Variants in CUL9 observed in about 807,000 individuals in gnomAD.
CUL9 encodes cullin-9.
CUL9 carries 79 observed loss-of-function variants against 272.6 expected under a neutral mutation model. The observed-to-expected ratio is 0.29, with a 90% CI of 0.24 to 0.35. CUL9 has a LOEUF of 0.35. CUL9 is among the 10% of genes least tolerant of loss of function. The probability of loss-of-function intolerance (pLI) is 1.00; values close to 1 mark genes in which losing one functional copy is unlikely to be tolerated. For synonymous variants in CUL9, 1,186 were observed against 1,286.5 expected, an observed-to-expected ratio of 0.92 and a Z score of 1.67; for missense variants, 2,532 against 3,255.6, an observed-to-expected ratio of 0.78 and a Z score of 5.41.
chr6:43,213,726 T>C lies in CUL9; in HGVS notation c.5502T>C (p.Leu1834=). The part of the protein sequence containing the change: ...QDFPHGGVLR[L]HEPGPQRSGE... ...AGCGGGTTCCAGGTGTGCTGCGGCT[T>C]CATGAGCCTGGGCCCCAGCGCAGTG... Residue 1834 remains leucine (L), a synonymous_variant, in exon 29 of 41, where the codon CTT becomes CTC. Transcript: ENST00000252050. The surrounding 1 kb of genome is among the most constrained non-coding windows in gnomAD (Gnocchi z 5.7). 1.2e-5 allele frequency: 20 copies of C among 1,613,226 alleles called. No homozygotes were observed. The highest frequency in any genetic ancestry group is 1.7e-5 in the Non-Finnish European group (20 of 1,179,826).
rs200063078 is a variant in CUL9 at position 43,222,404 on chromosome 6, A to C, written c.6921+14A>C. ...CACCAGGCGCGGGTGAGTCGGGAGGAAACAGCGGGTAGATGCCTGCAGAAG... is the reference window on the plus strand; with the variant it reads ...CACCAGGCGCGGGTGAGTCGGGAGGCAACAGCGGGTAGATGCCTGCAGAAG... On this transcript the variant is annotated intron_variant, in intron 36 of 40. Coordinates refer to ENST00000252050, the MANE Select transcript of CUL9 (RefSeq NM_015089.4). 6 of 1,613,366 alleles carry C rather than the reference A, an allele frequency of 3.7e-6. No individual in the cohort carries two copies. The African/African-American group carries it at 8.0e-5, about 22-fold the overall frequency.
Position 43,218,599 on chromosome 6 carries a change from G to T in CUL9, c.6283-1860G>T, listed in dbSNP as rs1468773920. 6.6e-6 allele frequency among the ~76,000 whole-genome samples: 1 copy of T among 152,212 alleles called. No homozygotes were observed. Among genetic ancestry groups the T allele is most frequent in the Non-Finnish European group, 1.5e-5 (1 of 68,040 alleles). ...AGAGTGGAAGCAGGAAGGCCCATTT[G>T]GTGACTGTTGTACGAGAGACAAGAG... On this transcript the variant is annotated intron_variant, in intron 31 of 40. Transcript: ENST00000252050. The surrounding 1 kb of genome is among the most constrained non-coding windows in gnomAD (Gnocchi z 4.4).
chr6:43,187,499 G>A, intron 6 of CUL9, 60 bp downstream of exon 6: 1 of 1,552,664 alleles, frequency 6.4e-7, no homozygotes, highest in Non-Finnish European at 8.8e-7. Context: ...GGATTCTCTA[G>A]AGGGAGTTTC....
In CUL9 at chr6:43,185,962, G is replaced by A. The variant is rs1772874334; in HGVS notation, c.758G>A (p.Gly253Glu). 1.2e-6 allele frequency: 2 copies of A among 1,604,834 alleles called. No individual in the cohort carries two copies. The highest frequency in any genetic ancestry group is 1.7e-6 in the Non-Finnish European group (2 of 1,174,232). Reference sequence around the variant, plus strand: ...AAGGATTGTGTCTTACAGATCCCAGGAAAGCTGCTTTTCTCCTTGGTGAAG... The same window carrying A: ...AAGGATTGTGTCTTACAGATCCCAGAAAAGCTGCTTTTCTCCTTGGTGAAG... ...FEGIHLPQIP[G>E]KLLFSLVKRY... The change falls in exon 4 of 41, where the codon GGA (glycine) becomes GAA (glutamate). Residue 253 changes from glycine to glutamate, a missense_variant. Gly to Glu is a moderately conservative substitution (Grantham distance 98, BLOSUM62 -2). Around this residue, in one of 3 missense-constraint regions of CUL9, gnomAD observed 2,218 missense variants for 2,788.6 expected, o/e 0.80. Transcript: ENST00000252050.
rs11962520 is a variant in CUL9 at position 43,220,862 on chromosome 6, C to G, written c.6539C>G (p.Thr2180Ser). Residue 2180 changes from threonine to serine, a missense_variant, in exon 33 of 41, where the codon ACC (threonine) becomes AGC (serine). Transcript: ENST00000252050. This position sits in a 1 kb window ranked among gnomAD's most constrained non-coding sequence, Gnocchi z 4.9. ...LCRQGLGCGT[T>S]CSKCGWASCF... ...CGCCAGGGCCTGGGCTGTGGGACCACCTGCTCCAAGTGTGGCTGGGCCTCT... is the reference window on the plus strand; with the variant it reads ...CGCCAGGGCCTGGGCTGTGGGACCAGCTGCTCCAAGTGTGGCTGGGCCTCT... 1.9e-6 allele frequency: 3 copies of G among 1,613,600 alleles called. No individual in the cohort carries two copies. Among genetic ancestry groups the G allele is most frequent in the Non-Finnish European group, 2.5e-6 (3 of 1,179,870 alleles).
intron 6 of CUL9, 33 bp from the exon 7 acceptor site, chr6:43,187,680 T>G (rs1401142126): frequency 6.2e-7 from 1 of 1,600,206 alleles, no homozygotes; most frequent in African/African-American, 1.3e-5. Flanking sequence ...TGTGTCTGCT[T>G]GTCTCTTAAA....
intron 16 of CUL9, among the ~76,000 whole-genome samples, chr6:43,201,665 G>A (rs1774573211): frequency 6.6e-6 from 1 of 152,088 alleles, no homozygotes; most frequent in Admixed American, 6.6e-5. Flanking sequence ...ATTTTTAGTA[G>A]AGACGGGGTT....
intron 24 of CUL9, among the ~76,000 whole-genome samples, chr6:43,205,785 C>A (rs149007685): frequency 1.1e-4 from 16 of 148,962 alleles, no homozygotes; most frequent in Middle Eastern, 3.4e-3. Context: ...GCCAAGACCA[C>A]GTCATTGCAC....
At chr6:43,185,868 A>G (rs1772863387) in intron 3 of CUL9, 87 bp from the exon 4 acceptor site, 4 of 1,499,080 alleles carry the variant, frequency 2.7e-6, no homozygotes, top group African/African-American at 2.8e-5. Flanking sequence ...AGGCCTTTAT[A>G]TTTTTCTGTA....
At chr6:43,191,617 C>T (rs1773519486) in intron 8 of CUL9, among the ~76,000 whole-genome samples, 2 of 150,576 alleles carry the variant, frequency 1.3e-5, no homozygotes, top group South Asian at 4.2e-4. Flanking sequence ...CAGAGTCTTG[C>T]TTTGTCGCCC....
chr6:43,186,463 G>A lies in CUL9; in HGVS notation c.1251+8G>A. On this transcript the variant is annotated splice_region_variant and intron_variant, in intron 4 of 40. Transcript: ENST00000252050. The stretch of plus-strand genomic sequence containing the variant: ...GGCATTCCCCCTGTGCAGGTGGGCA[G>A]CACATGGTGGTGAGACACTGTTGGG... The A allele has an allele frequency of 6.3e-7, 1 of 1,576,250 alleles. No homozygotes were observed. Among genetic ancestry groups the A allele is most frequent in the Non-Finnish European group, 8.7e-7 (1 of 1,156,066 alleles).
chr6:43,203,485 C>G lies in CUL9; in HGVS notation c.3918C>G (p.Phe1306Leu). 1 of 1,614,166 alleles carries G rather than the reference C, an allele frequency of 6.2e-7. No homozygotes were observed. ...LGPKPTFWPL[F>L]REQLCRRTCL... is the part of the protein sequence containing the mutation. ...CTAAGCCCACATTCTGGCCACTGTTCCGGGAGCAGCTGTGTCGCCGAACAT... is the reference window on the plus strand; with the variant it reads ...CTAAGCCCACATTCTGGCCACTGTTGCGGGAGCAGCTGTGTCGCCGAACAT... The change falls in exon 19 of 41, where the codon TTC (phenylalanine) becomes TTG (leucine). Residue 1306 changes from phenylalanine (F) to leucine (L), a missense_variant. Phe to Leu is a conservative substitution (Grantham distance 22). Coordinates refer to ENST00000252050, the MANE Select transcript of CUL9 (RefSeq NM_015089.4). This position sits in a 1 kb window ranked among gnomAD's most constrained non-coding sequence, Gnocchi z 5.0.
At position 43,217,906 on chromosome 6, in the gene CUL9, T is replaced by C. The variant is rs917298864; in HGVS notation, c.6282+1403T>C. On this transcript the variant is annotated intron_variant, in intron 31 of 40. Coordinates refer to ENST00000252050, the MANE Select transcript of CUL9 (RefSeq NM_015089.4). The stretch of plus-strand genomic sequence containing the variant: ...ACTCTGAGCCAGGCATTGTGCTGTT[T>C]ACATGCATTATTTTACTTAATTCTC... Among the ~76,000 whole-genome samples, 4 of 152,250 alleles carry C rather than the reference T, an allele frequency of 2.6e-5. No homozygotes were observed. The East Asian group carries it at 7.7e-4, about 29-fold the overall frequency.
rs758826559 is a variant in CUL9 at position 43,188,126 on chromosome 6, A to G, written c.1987+8A>G. 3.1e-6 allele frequency: 5 copies of G among 1,613,320 alleles called. No individual in the cohort carries two copies. The highest frequency in any genetic ancestry group is 1.1e-5 in the South Asian group (1 of 91,054). ...TGAAGGAGGCAGCCAGTGGTGAGTC[A>G]GGTTCTGGGAGGAAGCAATTGGAAC... On this transcript the variant is annotated splice_region_variant and intron_variant, in intron 7 of 40. Transcript: ENST00000252050.
In CUL9 at chr6:43,221,657, G is replaced by A; in HGVS notation, c.6753-28G>A. The A allele has an allele frequency of 6.2e-7, 1 of 1,603,636 alleles. No individual in the cohort carries two copies. The highest frequency in any genetic ancestry group is 1.3e-5 in the African/African-American group (1 of 74,796). ...GGCACACCCCTGCCCAGAGGCAGGA[G>A]TCCCTGACCAGCCAGCTTCCTCCAT... On this transcript the variant is annotated intron_variant, in intron 34 of 40. Coordinates refer to ENST00000252050, the MANE Select transcript of CUL9 (RefSeq NM_015089.4). The surrounding 1 kb of genome is among the most constrained non-coding windows in gnomAD (Gnocchi z 4.2).
intron 38 of CUL9, 91 bp downstream of exon 38, chr6:43,222,987 T>TA: frequency 9.3e-7 from 1 of 1,073,542 alleles, no homozygotes; most frequent in South Asian, 1.4e-5. Flanking sequence ...GCGGCACCCT[T>TA]ACCTTCCCTC....
At chr6:43,196,429 T>C (rs981190470) in intron 10 of CUL9, 164 bp downstream of exon 10, 3 of 797,338 alleles carry the variant, frequency 3.8e-6, no homozygotes, top group South Asian at 1.8e-5. Context: ...CCCAAGTGGA[T>C]TGGGGATAGG....
chr6:43,201,027 T>A (rs1774480769), intron 16 of CUL9, among the ~76,000 whole-genome samples, 193 bp downstream of exon 16: 1 of 152,234 alleles, frequency 6.6e-6, no homozygotes, highest in Non-Finnish European at 1.5e-5. Flanking sequence ...AGTCTGGTGA[T>A]CTGTACTCCA....
Position 43,221,473 on chromosome 6 carries a change from G to A in CUL9, c.6752+152G>A. Reference sequence around the variant, plus strand: ...TGGCAGCCTCCACGGTGACTTCCTGGATCTTAATGTTCCTTCTCCCACTCG... The same window carrying A: ...TGGCAGCCTCCACGGTGACTTCCTGAATCTTAATGTTCCTTCTCCCACTCG... On this transcript the variant is annotated intron_variant, in intron 34 of 40. Coordinates refer to ENST00000252050, the MANE Select transcript of CUL9 (RefSeq NM_015089.4). This position sits in a 1 kb window ranked among gnomAD's most constrained non-coding sequence, Gnocchi z 4.2. 1.0e-6 allele frequency: 1 copy of A among 982,984 alleles called. No individual in the cohort carries two copies. The highest frequency in any genetic ancestry group is 1.5e-6 in the Non-Finnish European group (1 of 679,010). 60.9% of individuals were successfully genotyped at this position (982,984 alleles called of 1,614,324 possible).
Sources: gnomAD v4.1 joint callset for allele counts (sites outside exome capture counted in the v4.1 genomes callset) on GRCh38, gnomAD v4.1.1 for gene constraint, gnomAD v4.1.1 regional missense constraint, Gnocchi (gnomAD v3.1) non-coding constraint, MANE v1.5 for transcripts, NCBI Gene and HGNC (gene_info 2026-07-23, HGNC 2026-07-21) for gene names.